The following SUMF1 variants were observed in gnomAD, a reference collection of about 807,000 sequenced individuals.
SUMF1 encodes sulfatase modifying factor 1.
Under a neutral mutation model 47.6 loss-of-function variants are expected in SUMF1, and 48 were observed. The ratio of observed to expected loss-of-function variants is 1.01; its 90% confidence interval spans 0.80 to 1.28. The LOEUF is 1.28. SUMF1 is among the 50% of genes most tolerant of loss of function. The pLI is 0.00. For synonymous variants in SUMF1, 230 were observed against 192.1 expected (o/e 1.20, Z -1.63); for missense variants, 571 against 485.4 (o/e 1.18, Z -1.66).
chr3:4,160,500 C>T (rs1044442313), intron 8 of SUMF1, among the ~76,000 whole-genome samples: 1 of 151,956 alleles, frequency 6.6e-6, no homozygotes, highest in Non-Finnish European at 1.5e-5. Context: ...TTGGTCCATT[C>T]TCTTTTATTC....
At chr3:4,151,213 T>A (rs867491571) in intron 8 of SUMF1, among the ~76,000 whole-genome samples, 2 of 148,666 alleles carry the variant, frequency 1.3e-5, no homozygotes, top group Non-Finnish European at 3.0e-5. Context: ...TATAAGGAAA[T>A]GTATAATGAA....
chr3:4,199,644 GTCTT>G (rs1244588004), intron 8 of SUMF1, among the ~76,000 whole-genome samples: 1 of 152,084 alleles, frequency 6.6e-6, no homozygotes, highest in Non-Finnish European at 1.5e-5. Flanking sequence ...ATAGCATTCT[GTCTT>G]TCTTATTATG....
intron 3 of SUMF1, among the ~76,000 whole-genome samples, chr3:4,443,632 G>C (rs1162086691): frequency 2.6e-5 from 4 of 152,120 alleles, no homozygotes; most frequent in South Asian, 2.1e-4. Flanking sequence ...AGGTGTGGTG[G>C]CATGTGCCTG....
chr3:4,103,514 G>A (rs1340609689), intron 8 of SUMF1, among the ~76,000 whole-genome samples: 2 of 152,038 alleles, frequency 1.3e-5, no homozygotes, highest in Non-Finnish European at 2.9e-5. Context: ...AATGAAAGAG[G>A]ATGGCAAGTC....
chr3:4,353,398 A>G lies in SUMF1; in HGVS notation c.1014+22932T>C, dbSNP rs375724296. On this transcript the variant is annotated intron_variant and NMD_transcript_variant, in intron 8 of 12. Transcript: ENST00000448413. ...CTCCCGAGTAGCTGGGACTACAGGC[A>G]CCCGCCACCACGCCCGGCTAATTTT... Among the ~76,000 whole-genome samples, 537 of 152,028 alleles carry G rather than the reference A, an allele frequency of 3.5e-3. 2 individuals carry two copies. The highest frequency in any genetic ancestry group is 9.4e-3 in the African/African-American group (390 of 41,442).
intron 1 of SUMF1, among the ~76,000 whole-genome samples, chr3:4,465,361 G>C (rs2079915204): frequency 6.6e-6 from 1 of 152,054 alleles, no homozygotes; most frequent in Non-Finnish European, 1.5e-5. Flanking sequence ...TGTAATCCCA[G>C]CTACTTGGGA....
intron 8 of SUMF1, among the ~76,000 whole-genome samples, chr3:4,371,500 C>G (rs757482057): frequency 1.3e-5 from 2 of 152,134 alleles, no homozygotes; most frequent in Admixed American, 1.3e-4. Flanking sequence ...TCATGTTAAA[C>G]GAAATCATTA....
intron 8 of SUMF1, among the ~76,000 whole-genome samples, chr3:4,374,119 C>G (rs1199977620): frequency 6.6e-6 from 1 of 152,120 alleles, no homozygotes; most frequent in Non-Finnish European, 1.5e-5. Flanking sequence ...TCCCTAAGAT[C>G]AAGAATGAGG....
chr3:4,262,340 C>T (rs2125024906), intron 8 of SUMF1, among the ~76,000 whole-genome samples: 1 of 152,242 alleles, frequency 6.6e-6, no homozygotes, highest in African/African-American at 2.4e-5. Flanking sequence ...TATGACTTCC[C>T]AATTCACTTC....
chr3:4,277,084 A>G (rs313643), intron 8 of SUMF1, among the ~76,000 whole-genome samples: 24,598 of 152,046 alleles, frequency 0.16, 2,342 homozygotes, highest in South Asian at 0.38. Context: ...TAGGCAGTCT[A>G]TTATACGCGG....
chr3:4,096,508 C>T (rs147383794), intron 8 of SUMF1, among the ~76,000 whole-genome samples: 44 of 152,220 alleles, frequency 2.9e-4, no homozygotes, highest in South Asian at 1.7e-3. Context: ...AGGCAGCAAA[C>T]ATCAGCCTAT....
chr3:4,174,915 G>A (rs931714008), intron 8 of SUMF1, among the ~76,000 whole-genome samples: 14 of 152,314 alleles, frequency 9.2e-5, no homozygotes, highest in African/African-American at 3.1e-4. Flanking sequence ...CCACACCCAC[G>A]AAGCCTTGCT....
intron 7 of SUMF1, among the ~76,000 whole-genome samples, chr3:4,398,582 C>T (rs1038624841): frequency 5.3e-5 from 8 of 152,066 alleles, no homozygotes; most frequent in Admixed American, 3.9e-4. Flanking sequence ...TACTTTACAG[C>T]TCATTAACAA....
At chr3:4,252,431 C>A (rs1207561417) in intron 8 of SUMF1, among the ~76,000 whole-genome samples, 1 of 151,682 alleles carries the variant, frequency 6.6e-6, no homozygotes, top group Non-Finnish European at 1.5e-5. Context: ...GTCTATTATC[C>A]CAAAATATAA....
intron 7 of SUMF1, among the ~76,000 whole-genome samples, chr3:4,395,219 CTTATCTCA>C (rs561731977): frequency 2.0e-5 from 3 of 152,138 alleles, no homozygotes; most frequent in Admixed American, 6.5e-5. Flanking sequence ...CACCTGCAGG[CTTATCTCA>C]CCCCCGTGCC....
rs142596064 is a variant in SUMF1, at chr3:4,329,054, C to T, written c.1014+47276G>A. ...GTCTCACATCCAGGTCATGCTGATG[C>T]AAGAGGTGGGTTCACATGGTCTTGG... On this transcript the variant is annotated intron_variant and NMD_transcript_variant, in intron 8 of 12. Transcript: ENST00000448413. 1.1e-4 allele frequency among the ~76,000 whole-genome samples: 17 copies of T among 152,324 alleles called. No homozygotes were observed. The East Asian group carries it at 2.7e-3, about 24-fold the overall frequency.
chr3:4,058,849 G>A (rs914990700), intron 9 of SUMF1, among the ~76,000 whole-genome samples: 1 of 151,984 alleles, frequency 6.6e-6, no homozygotes, highest in African/African-American at 2.4e-5. Flanking sequence ...AAACAGTCAG[G>A]CTTAGTTAAT....
At chr3:4,142,468 T>C (rs1332290193) in intron 8 of SUMF1, among the ~76,000 whole-genome samples, 2 of 152,174 alleles carry the variant, frequency 1.3e-5, no homozygotes, top group Non-Finnish European at 2.9e-5. Flanking sequence ...GGGGATATCA[T>C]ATATTTTGTA....
chr3:4,062,678 G>A (rs1695295925), intron 9 of SUMF1, among the ~76,000 whole-genome samples: 1 of 152,130 alleles, frequency 6.6e-6, no homozygotes, highest in African/African-American at 2.4e-5. Context: ...GTACTTTAGG[G>A]TAATTTGAAC....
Sources: gnomAD v4.1 joint callset for allele counts (sites outside exome capture counted in the v4.1 genomes callset) on GRCh38, gnomAD v4.1.1 for gene constraint, MANE v1.5 for transcripts, NCBI Gene and HGNC (gene_info 2026-07-23, HGNC 2026-07-21) for gene names.